CNTN5: variants seen among roughly 807,000 people sequenced by gnomAD.
CNTN5 encodes contactin-5.
A neutral mutation model predicts 129.1 loss-of-function variants in CNTN5; 77 were observed. The observed-to-expected ratio is 0.60, with a 90% CI of 0.50 to 0.72. The LOEUF (loss-of-function observed/expected upper bound fraction) is 0.72. Ranked by LOEUF, CNTN5 falls within the 30% of genes least tolerant of loss-of-function variation. The pLI is 0.00. For synonymous variants in CNTN5, 509 were observed against 465.6 expected, an observed-to-expected ratio of 1.09 and a Z score of -1.20; for missense variants, 1,478 against 1,328.8, an observed-to-expected ratio of 1.11 and a Z score of -1.75.
intron 6 of CNTN5, among the ~76,000 whole-genome samples, chr11:99,845,824 T>A (rs1006183089): frequency 6.6e-6 from 1 of 152,140 alleles, no homozygotes; most frequent in African/African-American, 2.4e-5. Context: ...TTTTTATGTG[T>A]TATTTTCAAG....
intron 7 of CNTN5, among the ~76,000 whole-genome samples, chr11:99,929,064 G>A (rs1403379672): frequency 6.6e-6 from 1 of 152,150 alleles, no homozygotes; most frequent in Admixed American, 6.5e-5. Context: ...CAGATCCCCA[G>A]GGTGGGGGCA....
At chr11:99,151,934 G>A (rs1860076833) in intron 1 of CNTN5, among the ~76,000 whole-genome samples, 1 of 152,052 alleles carries the variant, frequency 6.6e-6, no homozygotes, top group Admixed American at 6.6e-5. Flanking sequence ...ACGGGTTGAT[G>A]GGTGCAGCAA....
chr11:100,055,065 C>T (rs1659017742), intron 9 of CNTN5, among the ~76,000 whole-genome samples: 1 of 145,224 alleles, frequency 6.9e-6, no homozygotes, highest in African/African-American at 2.5e-5. Flanking sequence ...AAATGTATGT[C>T]CAGGAGACCA....
intron 1 of CNTN5, among the ~76,000 whole-genome samples, chr11:99,290,788 T>G (rs1353816565): frequency 1.3e-5 from 2 of 151,890 alleles, no homozygotes; most frequent in African/African-American, 4.8e-5. Flanking sequence ...ATTTCCATGT[T>G]TAACTGCTTC....
chr11:99,276,508 C>G (rs927671001), intron 1 of CNTN5, among the ~76,000 whole-genome samples: 1 of 151,396 alleles, frequency 6.6e-6, no homozygotes. Context: ...GCTTTGTGAT[C>G]ACTGGGCAAA....
intron 2 of CNTN5, among the ~76,000 whole-genome samples, chr11:99,470,559 G>C (rs1945131576): frequency 6.6e-6 from 1 of 151,948 alleles, no homozygotes; most frequent in Admixed American, 6.6e-5. Flanking sequence ...TTTTCAAGTA[G>C]AAAATCTGAA....
chr11:100,136,672 A>G (rs1946534603), intron 13 of CNTN5, among the ~76,000 whole-genome samples: 1 of 151,968 alleles, frequency 6.6e-6, no homozygotes, highest in African/African-American at 2.4e-5. Flanking sequence ...TTCCTAAACA[A>G]AGGTAAAAGG....
At chr11:99,500,046 G>A (rs1309483676) in intron 2 of CNTN5, among the ~76,000 whole-genome samples, 1 of 152,118 alleles carries the variant, frequency 6.6e-6, no homozygotes, top group African/African-American at 2.4e-5. Flanking sequence ...CTGGGTTGTA[G>A]CTTCCAATGA....
chr11:99,916,006 T>C, intron 6 of CNTN5, 48 bp from the exon 7 acceptor site: 2 of 1,408,544 alleles, frequency 1.4e-6, no homozygotes, highest in Non-Finnish European at 9.9e-7. Flanking sequence ...ATAGCAATTC[T>C]TTACATTCTT....
Position 100,266,289 on chromosome 11 carries a change from C to T in CNTN5, c.2165-4803C>T, listed in dbSNP as rs114765883. On this transcript the variant is annotated intron_variant, in intron 17 of 24. Coordinates refer to ENST00000524871, the MANE Select transcript of CNTN5 (RefSeq NM_014361.4). ...AAGGCAGTTCAAAAAGATGCTTTCC[C>T]TGAGTCACTATAAGGTCTTCCACTG... Among the ~76,000 whole-genome samples, 509 of 152,152 alleles carry T rather than the reference C, an allele frequency of 3.3e-3. 6 individuals are homozygous for T. Among genetic ancestry groups the T allele is most frequent in the African/African-American group, 0.012 (489 of 41,522 alleles).
At chr11:99,958,210 G>A (rs1178938596) in intron 8 of CNTN5, among the ~76,000 whole-genome samples, 4 of 152,176 alleles carry the variant, frequency 2.6e-5, no homozygotes, top group Admixed American at 6.5e-5. Flanking sequence ...GCCAAGAGGC[G>A]ATAAATGACT....
chr11:99,646,253 G>C (rs1410743019), intron 3 of CNTN5, among the ~76,000 whole-genome samples: 1 of 152,204 alleles, frequency 6.6e-6, no homozygotes, highest in Non-Finnish European at 1.5e-5. Context: ...AAGCTGGATA[G>C]CAAACTACAT....
intron 2 of CNTN5, among the ~76,000 whole-genome samples, chr11:99,409,589 G>A (rs1355342370): frequency 4.6e-5 from 7 of 152,214 alleles, no homozygotes; most frequent in South Asian, 4.1e-4. Context: ...GAATTAATAC[G>A]TTGGTGATTT....
intron 2 of CNTN5, among the ~76,000 whole-genome samples, chr11:99,387,037 T>TA (rs1940963281): frequency 6.6e-6 from 1 of 152,164 alleles, no homozygotes; most frequent in South Asian, 2.1e-4. Context: ...TAATTACTAG[T>TA]AAAATTTTTC....
At chr11:99,436,396 G>A (rs796744640) in intron 2 of CNTN5, among the ~76,000 whole-genome samples, 6 of 151,112 alleles carry the variant, frequency 4.0e-5, no homozygotes, top group African/African-American at 9.7e-5. Flanking sequence ...TCATGTTATC[G>A]TCTCTAACTC....
chr11:99,377,353 A>G (rs1259211812), intron 2 of CNTN5, among the ~76,000 whole-genome samples: 1 of 152,104 alleles, frequency 6.6e-6, no homozygotes, highest in Non-Finnish European at 1.5e-5. Context: ...TTGCCTTATT[A>G]TTGTTAAAAG....
intron 3 of CNTN5, among the ~76,000 whole-genome samples, chr11:99,621,033 AAC>A (rs1950933265): frequency 6.6e-6 from 1 of 152,176 alleles, no homozygotes; most frequent in Non-Finnish European, 1.5e-5. Context: ...GAATACAAAT[AAC>A]ACACATAAAG....
intron 3 of CNTN5, among the ~76,000 whole-genome samples, chr11:99,683,596 T>C (rs982723937): frequency 6.6e-6 from 1 of 151,888 alleles, no homozygotes; most frequent in African/African-American, 2.4e-5. Flanking sequence ...TTCTTCAAAA[T>C]CATTTTGCCT....
intron 2 of CNTN5, among the ~76,000 whole-genome samples, chr11:99,520,327 G>A (rs899248557): frequency 1.3e-5 from 2 of 151,938 alleles, no homozygotes; most frequent in African/African-American, 4.8e-5. Context: ...TGCTTTTAAT[G>A]AACTATTATT....
Sources: allele counts gnomAD v4.1 joint callset (sites outside exome capture counted in the v4.1 genomes callset), GRCh38; gene constraint gnomAD v4.1.1; transcripts MANE v1.5; gene names NCBI Gene and HGNC (gene_info 2026-07-23, HGNC 2026-07-21).